Variants in LEMD1 observed in about 807,000 individuals in gnomAD.
The protein encoded by LEMD1 is LEM domain-containing protein 1.
LEMD1 carries 18 observed loss-of-function variants against 17.4 expected under a neutral mutation model. That is an observed-to-expected ratio of 1.04 (90% CI 0.72 to 1.54). The LOEUF is 1.54. Ranked by LOEUF, LEMD1 falls within the 40% of genes most tolerant of loss-of-function variation. The pLI, the probability that LEMD1 is intolerant of heterozygous loss-of-function variation, is 0.00. For synonymous variants in LEMD1, 88 were observed against 77.8 expected, an observed-to-expected ratio of 1.13 and a Z score of -0.69; for missense variants, 195 against 210.4, an observed-to-expected ratio of 0.93 and a Z score of 0.45.
At chr1:205,400,563 G>A (rs1664794022) in intron 4 of LEMD1, among the ~76,000 whole-genome samples, 1 of 152,206 alleles carries the variant, frequency 6.6e-6, no homozygotes, top group African/African-American at 2.4e-5. Context: ...CCCTTGTGAT[G>A]TGATACAATA....
intron 1 of LEMD1, 42 bp from the exon 2 acceptor site, chr1:205,420,616 C>G (rs1665919005): frequency 9.5e-7 from 1 of 1,052,208 alleles, no homozygotes; most frequent in African/African-American, 1.6e-5. Context: ...ACAGCCTTAC[C>G]AATAAGTACT....
At chr1:205,437,710 G>T (rs949791363) in intron 1 of LEMD1, 6 of 152,162 alleles carry the variant, frequency 3.9e-5, no homozygotes, top group African/African-American at 1.4e-4. Flanking sequence ...ACAGAGCCCT[G>T]GACTCCAAAG....
intron 4 of LEMD1, among the ~76,000 whole-genome samples, chr1:205,402,696 T>G (rs1664908045): frequency 6.6e-6 from 1 of 151,436 alleles, no homozygotes; most frequent in African/African-American, 2.4e-5. Context: ...CTTTATTTCC[T>G]TCTCCTGCCT....
intron 3 of LEMD1, among the ~76,000 whole-genome samples, chr1:205,417,821 A>G (rs1665763431): frequency 9.2e-6 from 1 of 108,582 alleles, no homozygotes; most frequent in African/African-American, 3.3e-5. Context: ...TTTTTTGTAG[A>G]TCAGACATGG....
chr1:205,390,387 A>G (rs1664279464), intron 4 of LEMD1, among the ~76,000 whole-genome samples: 1 of 152,044 alleles, frequency 6.6e-6, no homozygotes, highest in Non-Finnish European at 1.5e-5. Context: ...CTTTTAGTAA[A>G]CCAGGAATAG....
intron 2 of LEMD1, among the ~76,000 whole-genome samples, chr1:205,420,205 CT>C (rs1665896618): frequency 6.6e-6 from 1 of 152,156 alleles, no homozygotes. Context: ...GTAATCCCAG[CT>C]GCTTGGGAGG....
At chr1:205,420,711 T>A in intron 1 of LEMD1, 137 bp from the exon 2 acceptor site, 2 of 586,214 alleles carry the variant, frequency 3.4e-6, no homozygotes, top group Non-Finnish European at 3.0e-6. Context: ...AAATCAACAC[T>A]TTCTAGTTCT....
intron 4 of LEMD1, among the ~76,000 whole-genome samples, chr1:205,391,690 C>T (rs899167645): frequency 3.3e-5 from 5 of 152,164 alleles, no homozygotes; most frequent in African/African-American, 7.2e-5. Flanking sequence ...CCCGCCTCCA[C>T]GCACACCCCA....
At chr1:205,422,349 A>C (rs1298747641), upstream of LEMD1, among the ~76,000 whole-genome samples, 1 of 152,220 alleles carries the variant, frequency 6.6e-6, no homozygotes, top group Non-Finnish European at 1.5e-5. Context: ...AGACAAACCC[A>C]ACTGTCTAGA....
intron 4 of LEMD1, among the ~76,000 whole-genome samples, chr1:205,411,687 G>A (rs1476803456): frequency 2.7e-5 from 4 of 150,516 alleles, no homozygotes; most frequent in African/African-American, 9.9e-5. Flanking sequence ...AAGAAAGAAA[G>A]AAAGAAAGAA....
rs1352040764 is a variant in LEMD1 at position 205,381,752 on chromosome 1, CCTT to C, written c.449_451del (p.Glu150del). ...AGCAAGCTTCAAGCCCACTGGGAAA[CCTT>C]CTTCTCTCCAGCTCTCGATAGTCTG... On this transcript the variant is annotated inframe_deletion, in exon 6 of 6. Coordinates refer to ENST00000367153, the MANE Select transcript of LEMD1 (RefSeq NM_001199050.2). 5.6e-5 allele frequency: 90 copies of C among 1,614,116 alleles called. No individual in the cohort carries two copies. The highest frequency in any genetic ancestry group is 7.2e-5 in the Non-Finnish European group (85 of 1,180,050).
intron 3 of LEMD1, among the ~76,000 whole-genome samples, chr1:205,417,230 C>T (rs931443640): frequency 2.6e-5 from 4 of 152,222 alleles, no homozygotes; most frequent in South Asian, 2.1e-4. Flanking sequence ...GCTTCCACCT[C>T]GACCTGATGG....
At chr1:205,430,650 C>T (rs1282392081) in intron 1 of LEMD1, among the ~76,000 whole-genome samples, 2 of 152,178 alleles carry the variant, frequency 1.3e-5, no homozygotes, top group African/African-American at 2.4e-5. Flanking sequence ...TGCAAAGTGG[C>T]CAAAGGAAGA....
intron 1 of LEMD1, among the ~76,000 whole-genome samples, chr1:205,446,310 C>A (rs1004048474): frequency 1.3e-5 from 2 of 152,250 alleles, no homozygotes; most frequent in African/African-American, 2.4e-5. Context: ...AAAGCGAGGA[C>A]TGTCTCGGGT....
chr1:205,383,598 A>G (rs932971519), intron 5 of LEMD1, among the ~76,000 whole-genome samples: 5 of 147,324 alleles, frequency 3.4e-5, no homozygotes, highest in African/African-American at 1.2e-4. Context: ...TATTTATCCT[A>G]TTTAACTGTG....
At chr1:205,420,610 C>G (rs1665918760) in intron 1 of LEMD1, 36 bp from the exon 2 acceptor site, 2 of 1,138,114 alleles carry the variant, frequency 1.8e-6, no homozygotes, top group East Asian at 2.4e-5. Flanking sequence ...ATTAAGACAG[C>G]CTTACCAATA....
intron 4 of LEMD1, among the ~76,000 whole-genome samples, chr1:205,401,403 G>A (rs543435963): frequency 6.6e-6 from 1 of 151,984 alleles, no homozygotes; most frequent in African/African-American, 2.4e-5. Flanking sequence ...CTGCTGTGAG[G>A]TGGTATCTCA....
chr1:205,426,485 G>A (rs746367082), upstream of LEMD1, among the ~76,000 whole-genome samples: 1 of 152,224 alleles, frequency 6.6e-6, no homozygotes, highest in African/African-American at 2.4e-5. Context: ...ATCTCCCCTG[G>A]TTGGGGGTGG....
In LEMD1 at chr1:205,395,397, C is replaced by A. The variant is rs146264325; in HGVS notation, c.271-11033G>T. The stretch of plus-strand genomic sequence containing the variant: ...ATCATCTGAGGTTGGGAGTTTGAGA[C>A]CAGCCTGACCAACATGGAGAAACCC... On this transcript the variant is annotated intron_variant, in intron 4 of 5. Transcript: ENST00000367153. Among the ~76,000 whole-genome samples the A allele has an allele frequency of 8.4e-3, 1,272 of 151,946 alleles. 13 individuals are homozygous for A. The highest frequency in any genetic ancestry group is 0.029 in the African/African-American group (1,214 of 41,438).
Sources: gnomAD v4.1 joint callset for allele counts (sites outside exome capture counted in the v4.1 genomes callset) on GRCh38, gnomAD v4.1.1 for gene constraint, MANE v1.5 for transcripts, NCBI Gene and HGNC (gene_info 2026-07-23, HGNC 2026-07-21) for gene names.